Variants in EYA4 observed in about 807,000 individuals in gnomAD.
EYA4 encodes the protein EYA transcriptional coactivator and phosphatase 4.
EYA4 carries 31 observed loss-of-function variants against 87.9 expected under a neutral mutation model. That is an observed-to-expected ratio of 0.35 (90% CI 0.27 to 0.48). EYA4 has a LOEUF of 0.48. Ranked by LOEUF, EYA4 falls within the 20% of genes least tolerant of loss-of-function variation. The pLI is 0.99. For synonymous variants in EYA4, 263 were observed against 270.6 expected (o/e 0.97, Z 0.28); for missense variants, 678 against 761.4 (o/e 0.89, Z 1.29).
At chr6:133,311,385 A>G (rs887212939) in intron 2 of EYA4, among the ~76,000 whole-genome samples, 3 of 151,706 alleles carry the variant, frequency 2.0e-5, no homozygotes, top group Non-Finnish European at 4.4e-5. Context: ...GATTGCAGTG[A>G]TGCGATCACG....
At chr6:133,322,116 G>A (rs1338739850) in intron 2 of EYA4, among the ~76,000 whole-genome samples, 1 of 152,220 alleles carries the variant, frequency 6.6e-6, no homozygotes, top group Admixed American at 6.5e-5. Context: ...TTGACTGGAA[G>A]TTGAGGCTAG....
At chr6:133,367,404 TA>T (rs1453096187) in intron 2 of EYA4, among the ~76,000 whole-genome samples, 1 of 152,206 alleles carries the variant, frequency 6.6e-6, no homozygotes, top group Non-Finnish European at 1.5e-5. Flanking sequence ...TTCTTGATTT[TA>T]AAAATACGTA....
chr6:133,361,074 C>G (rs995592462), intron 2 of EYA4, among the ~76,000 whole-genome samples: 1 of 152,290 alleles, frequency 6.6e-6, no homozygotes, highest in South Asian at 2.1e-4. Flanking sequence ...TTCATCCAGA[C>G]TAGATTGGGT....
chr6:133,285,861 T>TG (rs931435099), intron 2 of EYA4, among the ~76,000 whole-genome samples: 1 of 152,130 alleles, frequency 6.6e-6, no homozygotes, highest in Non-Finnish European at 1.5e-5. Flanking sequence ...ATGGGAAGGA[T>TG]GGAGTTGGCA....
At chr6:133,334,201 G>A (rs1782193397) in intron 2 of EYA4, among the ~76,000 whole-genome samples, 1 of 152,178 alleles carries the variant, frequency 6.6e-6, no homozygotes, top group South Asian at 2.1e-4. Flanking sequence ...CGAATTAGCA[G>A]ATGCATATGC....
chr6:133,502,431 G>C (rs992713629), intron 13 of EYA4: 3 of 152,174 alleles, frequency 2.0e-5, no homozygotes, highest in Non-Finnish European at 4.4e-5. Context: ...AAACATCTCT[G>C]TATAAAACTT....
chr6:133,524,900 C>T, intron 18 of EYA4: 3 of 883,160 alleles, frequency 3.4e-6, no homozygotes, highest in Non-Finnish European at 5.8e-6. Context: ...TTTCATAAAC[C>T]CAGAGGTTGT....
At chr6:133,255,870 A>C (rs568087973) in intron 1 of EYA4, among the ~76,000 whole-genome samples, 1 of 152,036 alleles carries the variant, frequency 6.6e-6, no homozygotes, top group African/African-American at 2.4e-5. Flanking sequence ...TGTTGCACTG[A>C]TGATTTTTAT....
intron 9 of EYA4, among the ~76,000 whole-genome samples, chr6:133,462,985 C>T (rs1011589211): frequency 5.9e-5 from 9 of 152,026 alleles, no homozygotes; most frequent in Non-Finnish European, 1.3e-4. Context: ...GTTTAAGCTG[C>T]GTAACATCAG....
At chr6:133,447,279 A>G (rs997547006) in intron 4 of EYA4, among the ~76,000 whole-genome samples, 9 of 152,204 alleles carry the variant, frequency 5.9e-5, no homozygotes, top group Non-Finnish European at 1.0e-4. Context: ...TTAAAAAGGA[A>G]TTGCATTTTT....
intron 13 of EYA4, among the ~76,000 whole-genome samples, chr6:133,490,396 A>AAC (rs978668373): frequency 3.9e-5 from 6 of 151,970 alleles, no homozygotes; most frequent in Admixed American, 6.6e-5. Context: ...AAAAAAACAA[A>AAC]AAAAAACAAA....
intron 11 of EYA4, among the ~76,000 whole-genome samples, chr6:133,476,444 A>G (rs1795740133): frequency 6.6e-6 from 1 of 151,706 alleles, no homozygotes. Flanking sequence ...CCACCATCTT[A>G]CTCACTTCTT....
rs1435078054 is a variant in EYA4 at position 133,468,733 on chromosome 6, T to G, written c.970+2T>G. ...TCCCAGGACTGACTAACCAACCAGG[T>G]ACAGATCTTCACCCAGGTGAAATAC... On this transcript the variant is annotated splice_donor_variant, in intron 11 of 19. Transcript: ENST00000355286. LOFTEE classifies it high-confidence loss of function. 6.2e-7 allele frequency: 1 copy of G among 1,612,770 alleles called. No homozygotes were observed. Among genetic ancestry groups the G allele is most frequent in the East Asian group, 2.2e-5 (1 of 44,850 alleles).
At position 133,488,579 on chromosome 6, in the gene EYA4, G is replaced by A. The variant is rs564961906; in HGVS notation, c.1191+5464G>A. Among the ~76,000 whole-genome samples, 18 of 152,288 alleles carry A rather than the reference G, an allele frequency of 1.2e-4. No individual in the cohort carries two copies. In the South Asian group the frequency reaches 3.7e-3, roughly 32 times the overall value. ...AGAGACCCCATTTGTTTGGGAGAAA[G>A]TAAGGGAATAGAACAAAAGTCTCTG... On this transcript the variant is annotated intron_variant, in intron 13 of 19. Transcript: ENST00000355286.
chr6:133,372,036 A>G (rs754528574), intron 2 of EYA4, among the ~76,000 whole-genome samples: 3 of 152,136 alleles, frequency 2.0e-5, no homozygotes, highest in Non-Finnish European at 4.4e-5. Context: ...TTTAGACTGC[A>G]GAGTGTATTT....
At chr6:133,293,247 A>G (rs1267416637) in intron 2 of EYA4, among the ~76,000 whole-genome samples, 2 of 152,206 alleles carry the variant, frequency 1.3e-5, no homozygotes, top group Non-Finnish European at 2.9e-5. Flanking sequence ...GATCCACTAA[A>G]AGATGACAGT....
chr6:133,437,747 G>A (rs148956884), intron 3 of EYA4, among the ~76,000 whole-genome samples: 52 of 152,250 alleles, frequency 3.4e-4, no homozygotes, highest in South Asian at 1.0e-3. Flanking sequence ...GGAGGAGAAT[G>A]AACACAGGAG....
At chr6:133,255,811 C>G (rs1462204740) in intron 1 of EYA4, among the ~76,000 whole-genome samples, 2 of 152,020 alleles carry the variant, frequency 1.3e-5, no homozygotes, top group East Asian at 3.9e-4. Flanking sequence ...CACTGTTCCC[C>G]TCTTGGTGTA....
intron 2 of EYA4, among the ~76,000 whole-genome samples, chr6:133,327,108 CAAAT>C (rs1562293166): frequency 6.6e-6 from 1 of 152,104 alleles, no homozygotes; most frequent in African/African-American, 2.4e-5. Context: ...AGTTAAATTA[CAAAT>C]AAATCTTACA....
Sources: allele counts gnomAD v4.1 joint callset (sites outside exome capture counted in the v4.1 genomes callset), GRCh38; gene constraint gnomAD v4.1.1; transcripts MANE v1.5; gene names NCBI Gene and HGNC (gene_info 2026-07-23, HGNC 2026-07-21).